Variants in CABCOCO1 observed in about 807,000 individuals in gnomAD.
CABCOCO1 encodes ciliary-associated calcium-binding coiled-coil protein 1.
In CABCOCO1, 28 loss-of-function variants were observed where a neutral mutation model predicts 35.7. That is an observed-to-expected ratio of 0.78 (90% CI 0.58 to 1.07). CABCOCO1 has a LOEUF of 1.07. CABCOCO1 is among the 50% of genes least tolerant of loss of function. CABCOCO1 has a pLI of 0.00. For missense variants in CABCOCO1, 326 were observed against 309.2 expected, an observed-to-expected ratio of 1.05 and a Z score of -0.41; for synonymous variants, 95 against 100.1, an observed-to-expected ratio of 0.95 and a Z score of 0.30.
intron 2 of CABCOCO1, among the ~76,000 whole-genome samples, chr10:61,677,561 A>G (rs1308888548): frequency 6.9e-6 from 1 of 145,142 alleles, no homozygotes; most frequent in Non-Finnish European, 1.5e-5. Flanking sequence ...TTTTTTTATT[A>G]TACTTTAAGT....
chr10:61,752,191 C>T (rs994912446), intron 5 of CABCOCO1, among the ~76,000 whole-genome samples: 9 of 152,164 alleles, frequency 5.9e-5, no homozygotes, highest in African/African-American at 2.2e-4. Flanking sequence ...AAAAGGCTGC[C>T]TTGCCTAGGA....
At chr10:61,708,962 T>A (rs187677113) in intron 5 of CABCOCO1, among the ~76,000 whole-genome samples, 2 of 152,236 alleles carry the variant, frequency 1.3e-5, no homozygotes, top group East Asian at 3.9e-4. Flanking sequence ...TCTGGAAACT[T>A]TATACACTGT....
chr10:61,749,352 A>AATG (rs1841732558), intron 5 of CABCOCO1, among the ~76,000 whole-genome samples: 1 of 152,224 alleles, frequency 6.6e-6, no homozygotes, highest in Admixed American at 6.5e-5. Flanking sequence ...CTGTGATTCC[A>AATG]ATGAAAACAG....
chr10:61,738,114 T>C (rs558061963), intron 5 of CABCOCO1, among the ~76,000 whole-genome samples: 11 of 149,996 alleles, frequency 7.3e-5, no homozygotes, highest in South Asian at 2.1e-4. Context: ...AGGTCTGGGG[T>C]AGGGCTTGGC....
At position 61,712,821 on chromosome 10, in the gene CABCOCO1, G is replaced by A. The variant is rs954688597; in HGVS notation, c.552+22200G>A. ...TCAAAGATCCGATGGTTGTAGATGT[G>A]TGGTGTTATTTCTGAAGCCTCTGTT... On this transcript the variant is annotated intron_variant, in intron 5 of 7. Transcript: ENST00000648843. Among the ~76,000 whole-genome samples the A allele has an allele frequency of 2.6e-5, 4 of 152,172 alleles. No individual in the cohort carries two copies. The East Asian group carries it at 7.7e-4, about 29-fold the overall frequency.
At chr10:61,690,653 G>A (rs1265427793) in intron 5 of CABCOCO1, 32 bp downstream of exon 5, 1 of 1,424,430 alleles carries the variant, frequency 7.0e-7, no homozygotes, top group Non-Finnish European at 9.9e-7. Flanking sequence ...AACAAGTTAA[G>A]CAGAATCACT....
intron 7 of CABCOCO1, among the ~76,000 whole-genome samples, chr10:61,762,746 G>C (rs1842033149): frequency 6.6e-6 from 1 of 152,098 alleles, no homozygotes; most frequent in African/African-American, 2.4e-5. Context: ...AAAAGACCCT[G>C]AATGGGAGCT....
chr10:61,722,123 G>A (rs1841037575), intron 5 of CABCOCO1, among the ~76,000 whole-genome samples: 1 of 152,070 alleles, frequency 6.6e-6, no homozygotes, highest in Admixed American at 6.6e-5. Flanking sequence ...TCTCTGGTGG[G>A]CGTTAACATG....
chr10:61,679,432 G>A (rs1481766293), intron 2 of CABCOCO1, among the ~76,000 whole-genome samples: 1 of 152,086 alleles, frequency 6.6e-6, no homozygotes, highest in African/African-American at 2.4e-5. Flanking sequence ...GGGTGTGCAG[G>A]CTTGGAGCAG....
chr10:61,719,535 C>A (rs935100419), intron 5 of CABCOCO1, among the ~76,000 whole-genome samples: 8 of 152,042 alleles, frequency 5.3e-5, no homozygotes, highest in Admixed American at 2.0e-4. Flanking sequence ...AAATACTCAG[C>A]ATAGGGTATA....
chr10:61,671,074 C>T (rs1453216457), intron 1 of CABCOCO1, among the ~76,000 whole-genome samples: 3 of 152,326 alleles, frequency 2.0e-5, no homozygotes, highest in Non-Finnish European at 2.9e-5. Context: ...CGCCTGTAAT[C>T]CCATCACTTT....
At chr10:61,755,401 G>T (rs1039441693) in intron 5 of CABCOCO1, among the ~76,000 whole-genome samples, 6 of 152,068 alleles carry the variant, frequency 3.9e-5, no homozygotes, top group Non-Finnish European at 8.8e-5. Context: ...AGGAATTTCT[G>T]TGCCTTTTTT....
intron 1 of CABCOCO1, among the ~76,000 whole-genome samples, chr10:61,671,558 C>T (rs1462652283): frequency 6.6e-6 from 1 of 152,128 alleles, no homozygotes; most frequent in Admixed American, 6.5e-5. Flanking sequence ...ACCACCATTT[C>T]CTCCAACTCA....
At chr10:61,745,993 A>G (rs957276062) in intron 5 of CABCOCO1, among the ~76,000 whole-genome samples, 1 of 152,182 alleles carries the variant, frequency 6.6e-6, no homozygotes, top group Non-Finnish European at 1.5e-5. Context: ...GGATCACACC[A>G]ATTACCATGT....
At chr10:61,690,522 A>C in intron 4 of CABCOCO1, 27 bp from the exon 5 acceptor site, 1 of 1,457,332 alleles carries the variant, frequency 6.9e-7, no homozygotes, top group Non-Finnish European at 9.5e-7. Flanking sequence ...TCAACTTATC[A>C]GAGTGCACAT....
chr10:61,682,769 C>CT (rs1243874059), intron 3 of CABCOCO1, among the ~76,000 whole-genome samples: 1 of 151,958 alleles, frequency 6.6e-6, no homozygotes, highest in African/African-American at 2.4e-5. Context: ...CACACAGGGT[C>CT]TACACTAGCA....
In CABCOCO1 at chr10:61,681,261, C is replaced by A; in HGVS notation, c.283C>A (p.Gln95Lys). Residue 95 changes from glutamine (Q) to lysine (K), a missense_variant, in exon 3 of 8, where the codon CAG becomes AAG. By Grantham distance (53) the Gln-to-Lys change is moderately conservative. Coordinates refer to ENST00000648843, the MANE Select transcript of CABCOCO1 (RefSeq NM_001366906.2). The stretch of plus-strand genomic sequence containing the variant: ...TAGAGGAATGGATTTCTCTATTATT[C>A]AGTATTCAAAATTTATGACTTTACT... The part of the protein sequence containing the change: ...WARGMDFSII[Q>K]YSKFMTLLAM... 1 of 1,570,190 alleles carries A rather than the reference C, an allele frequency of 6.4e-7. No individual in the cohort carries two copies. Among genetic ancestry groups the A allele is most frequent in the Non-Finnish European group, 8.7e-7 (1 of 1,150,374 alleles).
At chr10:61,736,555 A>G (rs1037492636) in intron 5 of CABCOCO1, among the ~76,000 whole-genome samples, 11 of 152,066 alleles carry the variant, frequency 7.2e-5, no homozygotes, top group Non-Finnish European at 1.6e-4. Flanking sequence ...TATGTAGTAT[A>G]GTTTCAAGTT....
chr10:61,668,921 A>G (rs185565196), intron 1 of CABCOCO1, among the ~76,000 whole-genome samples: 2 of 150,056 alleles, frequency 1.3e-5, no homozygotes, highest in African/African-American at 4.9e-5. Flanking sequence ...TTCAGTAAAG[A>G]TCAGATCTGT....
Sources: allele counts gnomAD v4.1 joint callset (sites outside exome capture counted in the v4.1 genomes callset), GRCh38; gene constraint gnomAD v4.1.1; transcripts MANE v1.5; gene names NCBI Gene and HGNC (gene_info 2026-07-23, HGNC 2026-07-21).